The following PTPRD variants were observed in gnomAD, a reference collection of about 807,000 sequenced individuals.
PTPRD encodes the protein receptor-type tyrosine-protein phosphatase delta.
A neutral mutation model predicts 214.5 loss-of-function variants in PTPRD; 34 were observed. That is an observed-to-expected ratio of 0.16 (90% confidence interval 0.12 to 0.21). The LOEUF (loss-of-function observed/expected upper bound fraction) is 0.21. PTPRD is among the 10% of genes least tolerant of loss of function. The pLI is 1.00. For missense variants in PTPRD, 2,545 were observed against 2,398.7 expected (o/e 1.06, Z -1.27); for synonymous variants, 1,128 against 845.7 (o/e 1.33, Z -5.79).
intron 2 of PTPRD, among the ~76,000 whole-genome samples, chr9:10,432,446 AG>A (rs775919633): frequency 1.1e-4 from 17 of 151,808 alleles, no homozygotes; most frequent in Non-Finnish European, 2.5e-4. Context: ...TAAAAAAAAA[AG>A]AAAGGTTTCT....
At chr9:9,914,442 AGGG>A (rs2080107004) in intron 5 of PTPRD, among the ~76,000 whole-genome samples, 1 of 152,182 alleles carries the variant, frequency 6.6e-6, no homozygotes, top group Non-Finnish European at 1.5e-5. Flanking sequence ...TAGCCACGTC[AGGG>A]GCCTAAGAAA....
At chr9:8,979,844 A>T (rs2099298818) in intron 11 of PTPRD, among the ~76,000 whole-genome samples, 1 of 152,108 alleles carries the variant, frequency 6.6e-6, no homozygotes, top group Non-Finnish European at 1.5e-5. Flanking sequence ...AACAAATTAC[A>T]GCAATTCCTC....
intron 8 of PTPRD, among the ~76,000 whole-genome samples, chr9:9,439,483 A>G (rs1170876041): frequency 6.6e-6 from 1 of 152,184 alleles, no homozygotes; most frequent in Non-Finnish European, 1.5e-5. Context: ...TTTACTCTGA[A>G]CAACCTGCTG....
chr9:10,364,145 G>C (rs985637403), intron 2 of PTPRD, among the ~76,000 whole-genome samples: 1 of 151,336 alleles, frequency 6.6e-6, no homozygotes, highest in Non-Finnish European at 1.5e-5. Context: ...GACTACAGGC[G>C]CCCGCCACCA....
chr9:9,533,399 A>T (rs1299832085), intron 8 of PTPRD, among the ~76,000 whole-genome samples: 1 of 152,114 alleles, frequency 6.6e-6, no homozygotes, highest in Non-Finnish European at 1.5e-5. Flanking sequence ...TTTTGCTCAG[A>T]AAGATCAAAG....
chr9:10,298,229 T>A (rs1484238738), intron 3 of PTPRD, among the ~76,000 whole-genome samples: 1 of 152,160 alleles, frequency 6.6e-6, no homozygotes, highest in Non-Finnish European at 1.5e-5. Flanking sequence ...GCAGGGAATG[T>A]AACTGCTTGT....
intron 11 of PTPRD, among the ~76,000 whole-genome samples, chr9:8,761,894 C>A (rs769114663): frequency 6.6e-6 from 1 of 152,130 alleles, no homozygotes; most frequent in East Asian, 1.9e-4. Context: ...TGGATACAGT[C>A]TCTTATCCCT....
intron 4 of PTPRD, among the ~76,000 whole-genome samples, chr9:9,999,755 G>A (rs1402579984): frequency 1.3e-5 from 2 of 152,188 alleles, no homozygotes; most frequent in African/African-American, 4.8e-5. Flanking sequence ...CGTCAAGGTT[G>A]TTTTGCTTAC....
chr9:10,254,481 T>A lies in PTPRD; in HGVS notation c.-545+86482A>T, dbSNP rs138632601. Among the ~76,000 whole-genome samples the A allele has an allele frequency of 2.9e-3, 435 of 152,270 alleles. 1 individual carries two copies. The highest frequency in any genetic ancestry group is 0.01 in the African/African-American group (418 of 41,542). On this transcript the variant is annotated intron_variant, in intron 3 of 45. Transcript: ENST00000381196. ...TTTCTTGTTGCCAGGCTGATGGCCATCTCGGTGTGCATGATGTAACATCTT... is the reference window on the plus strand; with the variant it reads ...TTTCTTGTTGCCAGGCTGATGGCCAACTCGGTGTGCATGATGTAACATCTT...
chr9:9,921,946 G>A (rs539963628), intron 5 of PTPRD, among the ~76,000 whole-genome samples: 1 of 152,062 alleles, frequency 6.6e-6, no homozygotes, highest in East Asian at 1.9e-4. Flanking sequence ...GGCAAAGCTA[G>A]TATTCAAGTC....
At chr9:9,300,684 C>G (rs1461545218) in intron 9 of PTPRD, among the ~76,000 whole-genome samples, 1 of 151,714 alleles carries the variant, frequency 6.6e-6, no homozygotes, top group Non-Finnish European at 1.5e-5. Flanking sequence ...GAGAAGTCAG[C>G]CGTTGGATAG....
intron 14 of PTPRD, among the ~76,000 whole-genome samples, chr9:8,575,055 T>C (rs920912924): frequency 6.6e-6 from 1 of 152,098 alleles, no homozygotes; most frequent in African/African-American, 2.4e-5. Context: ...TCACACTTCA[T>C]CAGAGGGTTT....
intron 4 of PTPRD, 61 bp from the exon 5 acceptor site, chr9:9,938,671 A>G (rs1451924228): frequency 3.9e-5 from 6 of 152,154 alleles, no homozygotes; most frequent in African/African-American, 9.7e-5. Flanking sequence ...TAAGATATTC[A>G]TTATGTTATC....
At chr9:9,226,938 A>G (rs2099959862) in intron 9 of PTPRD, among the ~76,000 whole-genome samples, 1 of 152,154 alleles carries the variant, frequency 6.6e-6, no homozygotes, top group Admixed American at 6.6e-5. Flanking sequence ...TGTTTCCAAC[A>G]TACTAAAGGA....
At chr9:10,095,627 A>C (rs1591030267) in intron 3 of PTPRD, among the ~76,000 whole-genome samples, 1 of 151,576 alleles carries the variant, frequency 6.6e-6, no homozygotes, top group Non-Finnish European at 1.5e-5. Flanking sequence ...ATATGCATAG[A>C]TTTTATTAAC....
intron 9 of PTPRD, among the ~76,000 whole-genome samples, chr9:9,195,107 T>TATATATATAC (rs58832794): frequency 0.011 from 1,531 of 141,046 alleles, 11 homozygotes; most frequent in Non-Finnish European, 0.012. Flanking sequence ...TATATATATA[T>TATATATATAC]ACACACACAC....
chr9:8,746,741 C>A (rs551969090), intron 11 of PTPRD, among the ~76,000 whole-genome samples: 1 of 152,148 alleles, frequency 6.6e-6, no homozygotes, highest in Non-Finnish European at 1.5e-5. Context: ...TGCCTGTAAT[C>A]CCAGTGCTTT....
At chr9:9,482,195 C>G (rs541426300) in intron 8 of PTPRD, among the ~76,000 whole-genome samples, 122 of 151,990 alleles carry the variant, frequency 8.0e-4, no homozygotes, top group African/African-American at 2.7e-3. Context: ...TTAATAGACA[C>G]AAAATTTTAA....
At chr9:8,831,050 A>C (rs1420392065) in intron 11 of PTPRD, among the ~76,000 whole-genome samples, 1 of 152,156 alleles carries the variant, frequency 6.6e-6, no homozygotes, top group Non-Finnish European at 1.5e-5. Context: ...GCACTTAGAA[A>C]ATCTGTGGAC....
Sources: allele counts gnomAD v4.1 joint callset (sites outside exome capture counted in the v4.1 genomes callset), GRCh38; gene constraint gnomAD v4.1.1; transcripts MANE v1.5; gene names NCBI Gene and HGNC (gene_info 2026-07-23, HGNC 2026-07-21).